CHD1L: variants seen among roughly 807,000 people sequenced by gnomAD.
CHD1L encodes the protein chromodomain helicase DNA binding protein 1 like.
CHD1L carries 118 observed loss-of-function variants against 115.9 expected under a neutral mutation model. The observed-to-expected ratio is 1.02, with a 90% CI of 0.88 to 1.19. The LOEUF is 1.19. CHD1L is among the 50% of genes most tolerant of loss of function. CHD1L has a pLI of 0.00. For missense variants in CHD1L, 1,179 were observed against 1,065.3 expected (o/e 1.11, Z -1.49); for synonymous variants, 411 against 387.1 (o/e 1.06, Z -0.72).
the CHD1L span, among the ~76,000 whole-genome samples, chr1:147,200,731 A>T: frequency 6.6e-6 from 1 of 152,194 alleles, no homozygotes; most frequent in Non-Finnish European, 1.5e-5. Context: ...ATAAAGTCAT[A>T]CTATTTCTAT....
the CHD1L span, among the ~76,000 whole-genome samples, chr1:147,231,532 G>A: frequency 6.6e-6 from 1 of 152,180 alleles, no homozygotes; most frequent in Non-Finnish European, 1.5e-5. Context: ...TCCACCTGGT[G>A]CAGAGCTGAG....
chr1:147,187,197 G>GGTAT, the CHD1L span: 1 of 1,613,884 alleles, frequency 6.2e-7, no homozygotes, highest in East Asian at 2.2e-5. Flanking sequence ...GCTCTTCCAT[G>GGTAT]GTATCTATGT....
At chr1:147,265,296 T>C (rs1054651408) in intron 7 of CHD1L, among the ~76,000 whole-genome samples, 2 of 152,194 alleles carry the variant, frequency 1.3e-5, no homozygotes, top group African/African-American at 4.8e-5. Flanking sequence ...TGACAAAATA[T>C]AAGACTTCTA....
rs782219070 is a variant in CHD1L, at chr1:147,259,783, G to A, written c.495-54G>A. On this transcript the variant is annotated intron_variant, in intron 5 of 22. Transcript: ENST00000369258. ...CAGTTTTGTAGTAAGACTTTTGATT[G>A]TGAAATATGTGTTTAAATTACACAA... is the stretch of plus-strand genomic sequence containing the variant. 2.3e-4 allele frequency: 337 copies of A among 1,450,780 alleles called. 1 individual carries two copies. Among genetic ancestry groups the A allele is most frequent in the Non-Finnish European group, 3.0e-4 (307 of 1,038,034 alleles). 89.9% of individuals were successfully genotyped at this position (1,450,780 alleles called of 1,614,324 possible). A position where few individuals can be genotyped will look rare whatever the true frequency, so the allele number is the denominator to read the frequency against.
chr1:147,198,252 C>T, the CHD1L span, among the ~76,000 whole-genome samples: 291 of 152,268 alleles, frequency 1.9e-3, no homozygotes, highest in Non-Finnish European at 3.2e-3. Context: ...GCTAAACTGA[C>T]ATTTCTTAGA....
the CHD1L span, among the ~76,000 whole-genome samples, chr1:147,193,520 GA>G: frequency 6.6e-6 from 1 of 152,022 alleles, no homozygotes; most frequent in Admixed American, 6.5e-5. Flanking sequence ...GTTCTGCTCT[GA>G]TTTTAGTTAT....
the CHD1L span, chr1:147,224,244 T>A: frequency 4.5e-6 from 1 of 224,046 alleles, no homozygotes; most frequent in Non-Finnish European, 9.0e-6. Context: ...ACAGATATGA[T>A]GAGATTCGCT....
chr1:147,266,166 C>A, intron 8 of CHD1L, 79 bp downstream of exon 8: 1 of 1,308,864 alleles, frequency 7.6e-7, no homozygotes, highest in Non-Finnish European at 1.1e-6. Flanking sequence ...TAATCACACT[C>A]ATTTGTATGA....
At chr1:147,286,022 T>C (rs966367678) in intron 17 of CHD1L, among the ~76,000 whole-genome samples, 1 of 152,162 alleles carries the variant, frequency 6.6e-6, no homozygotes, top group Non-Finnish European at 1.5e-5. Context: ...TAAGATTTTA[T>C]TGTAGCTATC....
At chr1:147,270,849 A>G in intron 10 of CHD1L, 83 bp from the exon 11 acceptor site, 1 of 1,097,640 alleles carries the variant, frequency 9.1e-7, no homozygotes, top group Admixed American at 1.7e-5. Context: ...ATAAACTTTT[A>G]TTGTTTGGTA....
chr1:147,222,993 G>A, the CHD1L span, among the ~76,000 whole-genome samples: 2 of 152,148 alleles, frequency 1.3e-5, no homozygotes, highest in Non-Finnish European at 2.9e-5. Context: ...TATGTTCCTG[G>A]CACTGTTGTA....
chr1:147,290,324 G>GTCCA (rs1685002732), intron 19 of CHD1L, among the ~76,000 whole-genome samples: 1 of 151,970 alleles, frequency 6.6e-6, no homozygotes, highest in Non-Finnish European at 1.5e-5. Context: ...AGCTCAAGTG[G>GTCCA]TCCACCTCCC....
the CHD1L span, among the ~76,000 whole-genome samples, chr1:147,196,422 A>G: frequency 6.6e-6 from 1 of 152,040 alleles, no homozygotes; most frequent in Non-Finnish European, 1.5e-5. Context: ...TTTTACTTCT[A>G]TTAGCTAGAA....
the CHD1L span, chr1:147,225,037 C>T: frequency 1.9e-6 from 3 of 1,614,078 alleles, no homozygotes; most frequent in East Asian, 2.2e-5. Context: ...CATGGTCTCC[C>T]GAGATCTTCA....
At chr1:147,181,997 A>T in the CHD1L span, among the ~76,000 whole-genome samples, 1 of 152,204 alleles carries the variant, frequency 6.6e-6, no homozygotes, top group Non-Finnish European at 1.5e-5. Flanking sequence ...TGTCTTAGAT[A>T]TGTCCATGTG....
At chr1:147,244,290 GGAGT>G (rs1357808810) in intron 1 of CHD1L, among the ~76,000 whole-genome samples, 1 of 152,154 alleles carries the variant, frequency 6.6e-6, no homozygotes, top group Non-Finnish European at 1.5e-5. Context: ...TGGATGGAAT[GGAGT>G]GAGTAAATTC....
chr1:147,291,393 A>G, intron 19 of CHD1L, 89 bp from the exon 20 acceptor site: 1 of 1,153,248 alleles, frequency 8.7e-7, no homozygotes, highest in East Asian at 2.4e-5. Context: ...CTGAAACCCA[A>G]CTGAATTTGA....
the CHD1L span, among the ~76,000 whole-genome samples, chr1:147,181,417 C>T: frequency 1.3e-5 from 2 of 152,136 alleles, no homozygotes; most frequent in African/African-American, 2.4e-5. Flanking sequence ...CTAAAAACCT[C>T]ATCACAGAGT....
At chr1:147,179,496 C>T in the CHD1L span, 3 of 1,577,644 alleles carry the variant, frequency 1.9e-6, no homozygotes, top group Admixed American at 1.7e-5. Flanking sequence ...CAACAAGAAG[C>T]TAAATCCAAA....
Sources: allele counts gnomAD v4.1 joint callset (sites outside exome capture counted in the v4.1 genomes callset), GRCh38; gene constraint gnomAD v4.1.1; transcripts MANE v1.5; gene names NCBI Gene and HGNC (gene_info 2026-07-23, HGNC 2026-07-21).